Variants in USP54 observed in about 807,000 individuals in gnomAD.
USP54 encodes ubiquitin carboxyl-terminal hydrolase 54.
A neutral mutation model predicts 170.5 loss-of-function variants in USP54; 87 were observed. The observed-to-expected ratio is 0.51, with a 90% CI of 0.43 to 0.61. The LOEUF (loss-of-function observed/expected upper bound fraction) is 0.61, where lower values mean the gene tolerates loss of function less well. USP54 is among the 20% of genes least tolerant of loss of function. The pLI is 0.00. For missense variants in USP54, 1,786 were observed against 2,047.8 expected (o/e 0.87, Z 2.47); for synonymous variants, 655 against 742.8 (o/e 0.88, Z 1.92).
At chr10:73,592,249 G>C (rs1423786901), upstream of USP54, among the ~76,000 whole-genome samples, 2 of 151,902 alleles carry the variant, frequency 1.3e-5, no homozygotes, top group Non-Finnish European at 2.9e-5. Flanking sequence ...TAAGCATACT[G>C]ATGAAAAAAA....
intron 1 of USP54, among the ~76,000 whole-genome samples, chr10:73,597,592 A>G (rs989757474): frequency 8.5e-5 from 13 of 152,238 alleles, no homozygotes; most frequent in African/African-American, 2.6e-4. Context: ...TCTAACCACC[A>G]AAGTAGCCTT....
At chr10:73,570,775 C>T (rs747599749) in intron 4 of USP54, among the ~76,000 whole-genome samples, 10 of 152,044 alleles carry the variant, frequency 6.6e-5, no homozygotes, top group Non-Finnish European at 1.2e-4. Flanking sequence ...AAATTAATTA[C>T]GTTAAAAACA....
intron 4 of USP54, among the ~76,000 whole-genome samples, chr10:73,550,442 C>T (rs572483599): frequency 2.6e-5 from 4 of 152,280 alleles, no homozygotes; most frequent in South Asian, 2.1e-4. Context: ...AAGCTCCACC[C>T]TCCCTTCCCC....
chr10:73,571,345 G>T, intron 4 of USP54, 76 bp downstream of exon 4: 1 of 1,259,306 alleles, frequency 7.9e-7, no homozygotes, highest in Non-Finnish European at 1.1e-6. Context: ...GCATCATCCT[G>T]ATTAACCAAA....
At chr10:73,510,546 G>A (rs1039554598) in intron 20 of USP54, among the ~76,000 whole-genome samples, 4 of 150,584 alleles carry the variant, frequency 2.7e-5, no homozygotes, top group Admixed American at 6.6e-5. Flanking sequence ...CTGGGTTCAG[G>A]TGATTCTCCT....
chr10:73,596,673 C>T (rs935690770), intron 1 of USP54, among the ~76,000 whole-genome samples: 6 of 125,164 alleles, frequency 4.8e-5, no homozygotes, highest in Middle Eastern at 0.012. Flanking sequence ...GAGCTGAGAT[C>T]AGGCCATCGC....
chr10:73,536,413 C>A lies in USP54; in HGVS notation c.1000G>T (p.Val334Leu), dbSNP rs1415466769. Residue 334 changes from valine (V) to leucine (L), a missense_variant, in exon 11 of 24, where the codon GTG (valine) becomes TTG (leucine). Physicochemically the swap from Val to Leu is conservative, Grantham distance 32. Transcript: ENST00000687698. The stretch of plus-strand genomic sequence containing the variant: ...TAATGCCCCTTGATGCATTTGGTCA[C>A]CACATCCTTCCATTTGGGCCCAATC... ...KEIGPKWKDV[V>L]TKCIKGHYQP... is the part of the protein sequence containing the mutation. 5 of 1,561,978 alleles carry A rather than the reference C, an allele frequency of 3.2e-6. No homozygotes were observed. In the African/African-American group the frequency reaches 6.8e-5, roughly 21 times the overall value.
chr10:73,570,610 G>C (rs2074973238), intron 4 of USP54, among the ~76,000 whole-genome samples: 1 of 148,898 alleles, frequency 6.7e-6, no homozygotes, highest in Admixed American at 6.7e-5. Context: ...GAGTGCAGTG[G>C]TATGATCAGA....
chr10:73,510,892 A>G (rs959703119), intron 20 of USP54, among the ~76,000 whole-genome samples: 2 of 152,214 alleles, frequency 1.3e-5, no homozygotes, highest in African/African-American at 2.4e-5. Flanking sequence ...CAGTGTTTAT[A>G]TAACACTTTA....
chr10:73,526,298 A>G (rs1590029558), intron 16 of USP54, among the ~76,000 whole-genome samples: 1 of 152,100 alleles, frequency 6.6e-6, no homozygotes, highest in African/African-American at 2.4e-5. Flanking sequence ...CCCAGGCTGG[A>G]GTGCAGTGGC....
intron 1 of USP54, among the ~76,000 whole-genome samples, chr10:73,581,759 T>C (rs965837754): frequency 5.9e-5 from 9 of 152,216 alleles, no homozygotes; most frequent in African/African-American, 1.4e-4. Context: ...TGTATAAAAT[T>C]TGTTTGAACT....
chr10:73,605,058 C>T (rs113458095), intron 1 of USP54, among the ~76,000 whole-genome samples: 3 of 152,126 alleles, frequency 2.0e-5, no homozygotes, highest in African/African-American at 7.2e-5. Flanking sequence ...TAGCTAGACA[C>T]GGAGTGCTGA....
intron 4 of USP54, 86 bp from the exon 5 acceptor site, chr10:73,545,758 A>T (rs891070568): frequency 1.3e-5 from 19 of 1,464,866 alleles, no homozygotes; most frequent in Middle Eastern, 1.8e-4. Flanking sequence ...TAGCATCTCC[A>T]TGATGATAGC....
chr10:73,597,581 C>G (rs1426312448), intron 1 of USP54, among the ~76,000 whole-genome samples: 1 of 152,192 alleles, frequency 6.6e-6, no homozygotes, highest in Non-Finnish European at 1.5e-5. Context: ...CTCTCTGGCC[C>G]TCTAACCACC....
Position 73,526,683 on chromosome 10 carries a change from A to T in USP54, c.2158T>A (p.Ser720Thr). The change falls in exon 16 of 24, where the codon TCC becomes ACC. Residue 720 changes from serine to threonine, a missense_variant. Physicochemically the swap from Ser to Thr is moderately conservative, Grantham distance 58. Transcript: ENST00000687698. ...TGACTCTTTGTCCAGCCACCCATGGATGCTGTGGAGTCTACCTCCAGGATG... is the reference window on the plus strand; with the variant it reads ...TGACTCTTTGTCCAGCCACCCATGGTTGCTGTGGAGTCTACCTCCAGGATG... ...SSILEVDSTASMGGWTKSQPF... is the reference protein window; with the variant it reads ...SSILEVDSTATMGGWTKSQPF... The T allele has an allele frequency of 6.2e-7, 1 of 1,614,170 alleles. No homozygotes were observed. The highest frequency in any genetic ancestry group is 8.5e-7 in the Non-Finnish European group (1 of 1,180,020).
rs932656025 is a variant in USP54, at chr10:73,534,483, C to A, written c.1315+117G>T. The A allele has an allele frequency of 3.1e-6, 4 of 1,278,752 alleles. No homozygotes were observed. In the African/African-American group the frequency reaches 6.0e-5, roughly 19 times the overall value. 79.2% of individuals were successfully genotyped at this position (1,278,752 alleles called of 1,614,324 possible). A position where few individuals can be genotyped will look rare whatever the true frequency, so the allele number is the denominator to read the frequency against. Reference sequence around the variant, plus strand: ...CACCTTGGCCGCCCGCCTCGGCCTCCCAAAGTGCTGGGATTACAGGTGTGA... The same window carrying A: ...CACCTTGGCCGCCCGCCTCGGCCTCACAAAGTGCTGGGATTACAGGTGTGA... On this transcript the variant is annotated intron_variant, in intron 12 of 23. Coordinates refer to ENST00000687698, the MANE Select transcript of USP54 (RefSeq NM_001391956.1).
At chr10:73,506,984 T>C (rs2059241587) in intron 20 of USP54, 1 of 152,110 alleles carries the variant, frequency 6.6e-6, no homozygotes, top group Non-Finnish European at 1.5e-5. Flanking sequence ...AATAAAGTAA[T>C]GCCCACCTAT....
intron 1 of USP54, among the ~76,000 whole-genome samples, chr10:73,609,112 G>A (rs186596482): frequency 4.6e-5 from 7 of 152,244 alleles, no homozygotes; most frequent in Admixed American, 2.6e-4. Context: ...ATGATATTGC[G>A]TCTCCCTGGT....
intron 1 of USP54, among the ~76,000 whole-genome samples, chr10:73,579,132 G>A (rs1329275534): frequency 6.6e-6 from 1 of 150,404 alleles, no homozygotes; most frequent in African/African-American, 2.4e-5. Context: ...TGTATTTTTA[G>A]TACAGATGGG....
Sources: allele counts gnomAD v4.1 joint callset (sites outside exome capture counted in the v4.1 genomes callset), GRCh38; gene constraint gnomAD v4.1.1; transcripts MANE v1.5; gene names NCBI Gene and HGNC (gene_info 2026-07-23, HGNC 2026-07-21).